Variants in PROSER1 observed in about 807,000 individuals in gnomAD.
The protein encoded by PROSER1 is proline and serine-rich protein 1.
In PROSER1, 36 loss-of-function variants were observed where a neutral mutation model predicts 71.8. The ratio of observed to expected loss-of-function variants is 0.50; its 90% CI spans 0.38 to 0.66. PROSER1 has a LOEUF of 0.66. PROSER1 is among the 30% of genes least tolerant of loss of function. The pLI, the probability that PROSER1 is intolerant of heterozygous loss-of-function variation, is 0.00. For synonymous variants in PROSER1, 490 were observed against 452.4 expected, an observed-to-expected ratio of 1.08 and a Z score of -1.06; for missense variants, 1,107 against 1,135.0, an observed-to-expected ratio of 0.98 and a Z score of 0.35.
Position 39,025,243 on chromosome 13 carries a change from CTG to C in PROSER1, c.481-689_481-688del, listed in dbSNP as rs1263315271. 6.6e-5 allele frequency among the ~76,000 whole-genome samples: 10 copies of C among 152,170 alleles called. 1 individual carries two copies. Among genetic ancestry groups the C allele is most frequent in the Admixed American group, 5.9e-4 (9 of 15,276 alleles). On this transcript the variant is annotated intron_variant, in intron 6 of 12. Coordinates refer to ENST00000352251, the MANE Select transcript of PROSER1 (RefSeq NM_025138.5). ...AGGGTAAATGAGACCTTATTCAAGA[CTG>C]TTAAAATTAACAGATCAGAATAAGT...
Position 39,011,369 on chromosome 13 carries a change from T to G in PROSER1, c.2831A>C (p.Gln944Pro). 1.2e-6 allele frequency: 2 copies of G among 1,614,070 alleles called. No homozygotes were observed. The highest frequency in any genetic ancestry group is 1.7e-6 in the Non-Finnish European group (2 of 1,179,946). ...GAGAATAAAAGTTAAAAGTATTCAC[T>G]GCCACCCACTCTGGGACAGGCTTGG... is the stretch of plus-strand genomic sequence containing the variant. ...LQPSLSQSGW[Q>P] The change falls in exon 13 of 13, where the codon CAG (glutamine) becomes CCG (proline). Residue 944 changes from glutamine (Q) to proline (P), a missense_variant. Transcript: ENST00000352251.
rs945773329 is a variant in PROSER1, at chr13:39,012,415, A to G, written c.2562-182T>C. ...GATATGAATCTTTCTACTGTGAAGTATATTATTCGAAATTCAGTAAGTCTG... is the reference window on the plus strand; with the variant it reads ...GATATGAATCTTTCTACTGTGAAGTGTATTATTCGAAATTCAGTAAGTCTG... On this transcript the variant is annotated intron_variant, in intron 11 of 12. Coordinates refer to ENST00000352251, the MANE Select transcript of PROSER1 (RefSeq NM_025138.5). The G allele has an allele frequency of 1.4e-5, 10 of 696,666 alleles. No homozygotes were observed. The Admixed American group carries it at 3.0e-4, about 21-fold the overall frequency. 43.2% of individuals were successfully genotyped at this position (696,666 alleles called of 1,614,324 possible).
rs1160982477 is a variant in PROSER1, at chr13:39,024,509, T to C, written c.528A>G (p.Lys176=). 6.2e-7 allele frequency: 1 copy of C among 1,611,166 alleles called. No homozygotes were observed. The highest frequency in any genetic ancestry group is 8.5e-7 in the Non-Finnish European group (1 of 1,178,428). ...KDGEECTNEG[K]GIAARILGPS... is the part of the protein sequence containing the mutation. ...GCCCAAGAATTCGTGCAGCTATTCCTTTGCCTTCGTTAGTACATTCTTCAC... is the reference window on the plus strand; with the variant it reads ...GCCCAAGAATTCGTGCAGCTATTCCCTTGCCTTCGTTAGTACATTCTTCAC... The change falls in exon 7 of 13, where the codon AAA becomes AAG. Residue 176 remains lysine (K), a synonymous_variant. Transcript: ENST00000352251.
chr13:39,018,493 C>CACACACACACAA lies in PROSER1; in HGVS notation c.731-950_731-949insTTGTGTGTGTGT, dbSNP rs1555238997. Among the ~76,000 whole-genome samples the CACACACACACAA allele has an allele frequency of 3.6e-3, 514 of 144,278 alleles. 4 individuals are homozygous for CACACACACACAA. Among genetic ancestry groups the CACACACACACAA allele is most frequent in the African/African-American group, 0.013 (489 of 38,922 alleles). 94.7% of individuals were successfully genotyped at this position (144,278 alleles called of 152,430 possible). ...AACCCGACACACACACACACACACA[C>CACACACACACAA]ACACACACACACACACACACACACT... On this transcript the variant is annotated intron_variant, in intron 9 of 12. Coordinates refer to ENST00000352251, the MANE Select transcript of PROSER1 (RefSeq NM_025138.5).
At chr13:39,034,288 A>G (rs567095388) in intron 1 of PROSER1, 92 bp from the exon 2 acceptor site, 614 of 976,126 alleles carry the variant, frequency 6.3e-4, no homozygotes, top group Non-Finnish European at 8.5e-4. Context: ...TGCCCAAGCA[A>G]CTCAACAGTG....
Position 39,013,307 on chromosome 13 carries a change from G to C in PROSER1, c.1945C>G (p.Pro649Ala). ...LGRAYTSTSV[P>A]ISLSACLNPA... Reference sequence around the variant, plus strand: ...TTAAGGCAAGCAGATAAACTGATGGGCACGGATGTTGAAGTATATGCACGG... The same window carrying C: ...TTAAGGCAAGCAGATAAACTGATGGCCACGGATGTTGAAGTATATGCACGG... Residue 649 changes from proline (P) to alanine (A), a missense_variant, in exon 11 of 13, where the codon CCC becomes GCC. Physicochemically the swap from Pro to Ala is conservative, Grantham distance 27. Coordinates refer to ENST00000352251, the MANE Select transcript of PROSER1 (RefSeq NM_025138.5). 1 of 1,614,144 alleles carries C rather than the reference G, an allele frequency of 6.2e-7. No individual in the cohort carries two copies. The highest frequency in any genetic ancestry group is 2.2e-5 in the East Asian group (1 of 44,868).
At chr13:39,018,872 GATTA>G (rs943826450) in intron 9 of PROSER1, among the ~76,000 whole-genome samples, 1 of 152,088 alleles carries the variant, frequency 6.6e-6, no homozygotes, top group African/African-American at 2.4e-5. Context: ...TGCCAGAAAA[GATTA>G]ATGACAAGAT....
chr13:39,017,492 C>G lies in PROSER1; in HGVS notation c.775+8G>C. ...ATCCGTTATCTCTGGATCAAATTTG[C>G]TACTTACTTTGATTCTGTATAGGTT... is the stretch of plus-strand genomic sequence containing the variant. On this transcript the variant is annotated splice_region_variant and intron_variant, in intron 10 of 12. Transcript: ENST00000352251. 6.6e-7 allele frequency: 1 copy of G among 1,523,112 alleles called. No individual in the cohort carries two copies. Among genetic ancestry groups the G allele is most frequent in the Admixed American group, 1.7e-5 (1 of 57,588 alleles). 94.3% of individuals were successfully genotyped at this position (1,523,112 alleles called of 1,614,324 possible). A position where few individuals can be genotyped will look rare whatever the true frequency, so the allele number is the denominator to read the frequency against.
In PROSER1 at chr13:39,023,100, C is replaced by G. The variant is rs1870373650; in HGVS notation, c.595G>C (p.Val199Leu). The change falls in exon 8 of 13, where the codon GTT (valine) becomes CTT (leucine). Residue 199 changes from valine (V) to leucine (L), a missense_variant. Physicochemically the swap from Val to Leu is conservative, Grantham distance 32. Transcript: ENST00000352251. ...CGGCATGGAGGTATCGGATAAGGAACAGGTTTATGTGGATTATATGTTGAA... is the reference window on the plus strand; with the variant it reads ...CGGCATGGAGGTATCGGATAAGGAAGAGGTTTATGTGGATTATATGTTGAA... ...PPSTYNPHKP[V>L]PYPIPPCRPH... 1.2e-6 allele frequency: 2 copies of G among 1,613,200 alleles called. No homozygotes were observed. The highest frequency in any genetic ancestry group is 4.5e-5 in the East Asian group (2 of 44,864).
rs149432436 is a variant in PROSER1, at chr13:39,012,135, G to C, written c.2660C>G (p.Ser887Cys). 1 of 1,614,106 alleles carries C rather than the reference G, an allele frequency of 6.2e-7. No homozygotes were observed. The highest frequency in any genetic ancestry group is 1.3e-5 in the African/African-American group (1 of 74,946). ...PGFPQNPSQS[S>C]LQELQHNAAA... Reference sequence around the variant, plus strand: ...CGCATTATGCTGTAATTCTTGCAAGGATGATTGTGAAGGATTCTGAGGAAA... The same window carrying C: ...CGCATTATGCTGTAATTCTTGCAAGCATGATTGTGAAGGATTCTGAGGAAA... The change falls in exon 12 of 13, where the codon TCC becomes TGC. Residue 887 changes from serine (S) to cysteine (C), a missense_variant. By Grantham distance (112) the Ser-to-Cys change is moderately radical. Transcript: ENST00000352251.
chr13:39,013,876 G>C lies in PROSER1; in HGVS notation c.1376C>G (p.Ala459Gly), dbSNP rs761607860. 1.5e-5 allele frequency: 25 copies of C among 1,614,178 alleles called. No homozygotes were observed. In the Admixed American group the frequency reaches 4.0e-4, roughly 26 times the overall value. The stretch of plus-strand genomic sequence containing the variant: ...AGGACTGTTCACACCAAGTGGACCG[G>C]CAACGCTGGGAGTAGAGCCACCAGC... Reference protein sequence around the residue: ...VIAGGSTPSVAGPLGVNSPLL... With the variant: ...VIAGGSTPSVGGPLGVNSPLL... The change falls in exon 11 of 13, where the codon GCC (alanine) becomes GGC (glycine). Residue 459 changes from alanine (A) to glycine (G), a missense_variant. Transcript: ENST00000352251.
At chr13:39,027,466 G>A (rs1323689493) in intron 5 of PROSER1, among the ~76,000 whole-genome samples, 1 of 152,114 alleles carries the variant, frequency 6.6e-6, no homozygotes, top group Non-Finnish European at 1.5e-5. Flanking sequence ...AAAGTGACAC[G>A]ATCGGAACAC....
intron 12 of PROSER1, among the ~76,000 whole-genome samples, 193 bp downstream of exon 12, chr13:39,011,890 T>A (rs1869676946): frequency 6.6e-6 from 1 of 152,172 alleles, no homozygotes; most frequent in Non-Finnish European, 1.5e-5. Context: ...CTACCACCTC[T>A]GTTACTCTCC....
rs1450242879 is a variant in PROSER1, at chr13:39,026,241, GAGA to G, written c.480+33_480+35del. On this transcript the variant is annotated intron_variant, in intron 6 of 12. Coordinates refer to ENST00000352251, the MANE Select transcript of PROSER1 (RefSeq NM_025138.5). ...TATTCTACACTTCATACTTAACCAT[GAGA>G]AGTTTCATATACAGCTACAGAAGTA... The G allele has an allele frequency of 3.1e-6, 4 of 1,298,754 alleles. No individual in the cohort carries two copies. The African/African-American group carries it at 5.9e-5, about 19-fold the overall frequency. 80.5% of individuals were successfully genotyped at this position (1,298,754 alleles called of 1,614,324 possible). A position where few individuals can be genotyped will look rare whatever the true frequency, so the allele number is the denominator to read the frequency against.
At position 39,014,440 on chromosome 13, in the gene PROSER1, T is replaced by A. The variant is rs767909381; in HGVS notation, c.812A>T (p.His271Leu). 14 of 1,612,916 alleles carry A rather than the reference T, an allele frequency of 8.7e-6. No homozygotes were observed. The African/African-American group carries it at 1.9e-4, about 22-fold the overall frequency. ...STPASQLFSP[H>L]GSNPSTPAAT... Reference sequence around the variant, plus strand: ...AGCAGGTGTTGAAGGATTAGAACCATGAGGAGAAAAGAGTTGACTTGCTGG... The same window carrying A: ...AGCAGGTGTTGAAGGATTAGAACCAAGAGGAGAAAAGAGTTGACTTGCTGG... Residue 271 changes from histidine to leucine, a missense_variant, in exon 11 of 13, where the codon CAT (histidine) becomes CTT (leucine). His to Leu is a moderately conservative substitution (Grantham distance 99). Coordinates refer to ENST00000352251, the MANE Select transcript of PROSER1 (RefSeq NM_025138.5).
chr13:39,022,937 A>G (rs1870362531), intron 8 of PROSER1, 115 bp downstream of exon 8: 1 of 763,662 alleles, frequency 1.3e-6, no homozygotes, highest in Non-Finnish European at 2.2e-6. Flanking sequence ...TTAAGCTCAC[A>G]GTAGCATTTC....
At chr13:39,029,244 A>AATGG in intron 4 of PROSER1, 37 bp downstream of exon 4, 1 of 1,077,346 alleles carries the variant, frequency 9.3e-7, no homozygotes, top group East Asian at 2.7e-5. Flanking sequence ...ATTTTTTCCC[A>AATGG]AGTAAAAAAA....
chr13:39,012,097 C>G lies in PROSER1; in HGVS notation c.2698G>C (p.Ala900Pro), dbSNP rs367810608. ...TTGCTGCTTACCTGCTGTAACAATG[C>G]TGACTGCGCAGCCGCATTATGCTGT... Reference protein sequence around the residue: ...ELQHNAAAQSALLQQVHSASA... With the variant: ...ELQHNAAAQSPLLQQVHSASA... The change falls in exon 12 of 13, where the codon GCA becomes CCA. Residue 900 changes from alanine (A) to proline (P), a missense_variant. Physicochemically the swap from Ala to Pro is conservative, Grantham distance 27 (BLOSUM62 -1). Transcript: ENST00000352251. The G allele has an allele frequency of 3.0e-5, 48 of 1,613,430 alleles. No individual in the cohort carries two copies. The highest frequency in any genetic ancestry group is 3.9e-5 in the Non-Finnish European group (46 of 1,179,850).
chr13:39,024,510 T>C lies in PROSER1; in HGVS notation c.527A>G (p.Lys176Arg), dbSNP rs1312681343. The C allele has an allele frequency of 3.1e-6, 5 of 1,611,648 alleles. No individual in the cohort carries two copies. Among genetic ancestry groups the C allele is most frequent in the Non-Finnish European group, 3.4e-6 (4 of 1,178,770 alleles). ...KDGEECTNEGKGIAARILGPS... is the reference protein window; with the variant it reads ...KDGEECTNEGRGIAARILGPS... ...CCCAAGAATTCGTGCAGCTATTCCT[T>C]TGCCTTCGTTAGTACATTCTTCACC... is the stretch of plus-strand genomic sequence containing the variant. Residue 176 changes from lysine to arginine, a missense_variant, in exon 7 of 13, where the codon AAA becomes AGA. Transcript: ENST00000352251.
Sources: gnomAD v4.1 joint callset for allele counts (sites outside exome capture counted in the v4.1 genomes callset) on GRCh38, gnomAD v4.1.1 for gene constraint, MANE v1.5 for transcripts, NCBI Gene and HGNC (gene_info 2026-07-23, HGNC 2026-07-21) for gene names.